The following FOXP2 variants were observed in gnomAD, a reference collection of about 807,000 sequenced individuals.
FOXP2 encodes forkhead box protein P2.
Under a neutral mutation model 115.8 loss-of-function variants are expected in FOXP2, and 12 were observed. The ratio of observed to expected loss-of-function variants is 0.10; its 90% CI spans 0.07 to 0.17. The LOEUF is 0.17. Among genes scored for constraint, FOXP2 ranks in the 10% least tolerant of loss-of-function variants. The pLI, the probability that FOXP2 is intolerant of heterozygous loss-of-function variation, is 1.00. For synonymous variants in FOXP2, 328 were observed against 297.7 expected (o/e 1.10, Z -1.05); for missense variants, 629 against 843.5 (o/e 0.75, Z 3.15).
intron 1 of FOXP2, among the ~76,000 whole-genome samples, chr7:114,276,728 A>G (rs897547865): frequency 6.6e-6 from 1 of 152,122 alleles, no homozygotes; most frequent in Admixed American, 6.6e-5. Context: ...CTACCTCTTC[A>G]GTCCTGGGGC....
chr7:114,093,865 T>C (rs1799590684), intron 1 of FOXP2, among the ~76,000 whole-genome samples: 1 of 152,158 alleles, frequency 6.6e-6, no homozygotes, highest in African/African-American at 2.4e-5. Context: ...CAACAAACTT[T>C]TAGTAGTTCA....
rs1425247555 is a variant in FOXP2, at chr7:114,642,799, TATATA to T, written c.989+177_989+181del. Among the ~76,000 whole-genome samples, 4,206 of 57,004 alleles carry T rather than the reference TATATA, an allele frequency of 0.074. 462 individuals are homozygous for T. Among genetic ancestry groups the T allele is most frequent in the East Asian group, 0.23 (690 of 2,958 alleles). 37.4% of individuals were successfully genotyped at this position (57,004 alleles called of 152,430 possible). On this transcript the variant is annotated intron_variant, in intron 7 of 16. Coordinates refer to ENST00000350908, the MANE Select transcript of FOXP2 (RefSeq NM_014491.4). ...TATATAATATATATATATATATATA[TATATA>T]TATATATATTTTTTTTTTTTTTTAG...
At chr7:114,647,239 G>C (rs1395096010) in intron 8 of FOXP2, among the ~76,000 whole-genome samples, 1 of 151,550 alleles carries the variant, frequency 6.6e-6, no homozygotes, top group Non-Finnish European at 1.5e-5. Flanking sequence ...AATATATTGA[G>C]TCCCAAATTA....
chr7:114,507,542 AT>A (rs554245583), intron 2 of FOXP2, among the ~76,000 whole-genome samples: 13 of 152,070 alleles, frequency 8.5e-5, no homozygotes, highest in African/African-American at 1.9e-4. Flanking sequence ...TAGGAAATTA[AT>A]TTTTTCGCAA....
At chr7:114,179,880 A>G (rs1486923841) in intron 1 of FOXP2, among the ~76,000 whole-genome samples, 1 of 152,032 alleles carries the variant, frequency 6.6e-6, no homozygotes, top group Non-Finnish European at 1.5e-5. Flanking sequence ...CAAGGAGACT[A>G]TCATCAGATT....
At chr7:114,541,908 G>A (rs928937263) in intron 3 of FOXP2, among the ~76,000 whole-genome samples, 2 of 151,896 alleles carry the variant, frequency 1.3e-5, no homozygotes, top group East Asian at 1.9e-4. Flanking sequence ...GCTCTCTATA[G>A]GATTTAAGAC....
rs149287348 is a variant in FOXP2, at chr7:114,439,721, T to G, written c.168+13042T>G. 2.4e-4 allele frequency among the ~76,000 whole-genome samples: 37 copies of G among 151,894 alleles called. 1 individual carries two copies. Among genetic ancestry groups the G allele is most frequent in the Admixed American group, 9.8e-4 (15 of 15,240 alleles). On this transcript the variant is annotated intron_variant, in intron 2 of 16. Transcript: ENST00000350908. ...CACCACGCCTAGCTCCTAATTTTTT[T>G]TGTGTGTATATAGATGTGTGTGTGT...
At chr7:114,650,314 T>G (rs563023653) in intron 8 of FOXP2, among the ~76,000 whole-genome samples, 71 of 152,246 alleles carry the variant, frequency 4.7e-4, no homozygotes, top group African/African-American at 1.7e-3. Flanking sequence ...TCTACTTATC[T>G]TGCTTCCTGC....
At chr7:114,129,725 G>C (rs1294700405) in intron 1 of FOXP2, among the ~76,000 whole-genome samples, 1 of 152,084 alleles carries the variant, frequency 6.6e-6, no homozygotes, top group African/African-American at 2.4e-5. Context: ...AATTAACCCT[G>C]TTTTGCTTTT....
chr7:114,308,066 G>A (rs896566117), intron 2 of FOXP2, among the ~76,000 whole-genome samples: 5 of 152,054 alleles, frequency 3.3e-5, no homozygotes, highest in African/African-American at 1.2e-4. Flanking sequence ...TGCCGGGATT[G>A]TTGCTTTCAC....
At chr7:114,596,981 A>G (rs1802750616) in intron 3 of FOXP2, among the ~76,000 whole-genome samples, 1 of 152,102 alleles carries the variant, frequency 6.6e-6, no homozygotes, top group Non-Finnish European at 1.5e-5. Flanking sequence ...AAAGTAGCAG[A>G]CCATTTTCTT....
intron 1 of FOXP2, among the ~76,000 whole-genome samples, chr7:114,224,672 G>A (rs1192383192): frequency 1.3e-5 from 2 of 152,024 alleles, no homozygotes; most frequent in Admixed American, 6.6e-5. Flanking sequence ...AGTGGATAGT[G>A]GATACTCTTG....
chr7:114,141,219 C>A (rs1242583841), intron 1 of FOXP2, among the ~76,000 whole-genome samples: 2 of 152,158 alleles, frequency 1.3e-5, no homozygotes, highest in Non-Finnish European at 2.9e-5. Context: ...CCAGGGATTA[C>A]ATGATTGAGC....
At chr7:114,665,452 A>G (rs1807113487) in intron 16 of FOXP2, 1 of 152,094 alleles carries the variant, frequency 6.6e-6, no homozygotes, top group African/African-American at 2.4e-5. Flanking sequence ...AAAAGGTCTG[A>G]AAGAGAAATA....
chr7:114,360,535 C>T (rs1048864653), intron 2 of FOXP2, among the ~76,000 whole-genome samples: 2 of 152,158 alleles, frequency 1.3e-5, no homozygotes, highest in African/African-American at 4.8e-5. Flanking sequence ...CTAAGTCAAT[C>T]TACTCCCAAA....
In FOXP2 at chr7:114,690,644, A is replaced by G. The variant is rs921319675; in HGVS notation, c.*718A>G. 1.1e-5 allele frequency: 5 copies of G among 454,172 alleles called. No homozygotes were observed. Among genetic ancestry groups the G allele is most frequent in the South Asian group, 6.2e-5 (4 of 64,484 alleles). The allele number at this position is 454,172 out of a possible 1,614,324, so 28.1% of individuals were successfully genotyped here. A position where few individuals can be genotyped will look rare whatever the true frequency, so the allele number is the denominator to read the frequency against. ...AGCTAACATTATCTGTGCAAGCACC[A>G]TAGAAACATTTGCATATCTGCATAG... On this transcript the variant is annotated 3_prime_UTR_variant, in exon 17 of 17. Transcript: ENST00000350908.
At chr7:114,145,315 A>G (rs1218791100) in intron 1 of FOXP2, among the ~76,000 whole-genome samples, 3 of 152,202 alleles carry the variant, frequency 2.0e-5, no homozygotes, top group Non-Finnish European at 4.4e-5. Context: ...TAAATGATCA[A>G]TAAATCTTCC....
At chr7:114,285,002 G>A (rs574818813) in intron 1 of FOXP2, among the ~76,000 whole-genome samples, 14 of 152,138 alleles carry the variant, frequency 9.2e-5, no homozygotes, top group Admixed American at 2.6e-4. Flanking sequence ...GCATAAAGGG[G>A]AACAACAGAT....
chr7:114,326,810 A>C (rs1797565702), intron 2 of FOXP2, among the ~76,000 whole-genome samples: 1 of 152,158 alleles, frequency 6.6e-6, no homozygotes, highest in South Asian at 2.1e-4. Context: ...TATTCAAATA[A>C]AGTTTACTTT....
Sources: allele counts gnomAD v4.1 joint callset (sites outside exome capture counted in the v4.1 genomes callset), GRCh38; gene constraint gnomAD v4.1.1; transcripts MANE v1.5; gene names NCBI Gene and HGNC (gene_info 2026-07-23, HGNC 2026-07-21).